MEGF11: variants seen among roughly 807,000 people sequenced by gnomAD.
MEGF11 encodes the protein multiple epidermal growth factor-like domains protein 11.
MEGF11 carries 126 observed loss-of-function variants against 146.6 expected under a neutral mutation model. The observed-to-expected ratio is 0.86, with a 90% CI of 0.74 to 1.00. MEGF11 has a LOEUF of 1.00. Among genes scored for constraint, MEGF11 ranks in the 50% least tolerant of loss-of-function variants. MEGF11 has a pLI of 0.00. For missense variants in MEGF11, 1,509 were observed against 1,521.2 expected, an observed-to-expected ratio of 0.99 and a Z score of 0.13; for synonymous variants, 532 against 583.4, an observed-to-expected ratio of 0.91 and a Z score of 1.27.
At chr15:65,952,560 C>T (rs2080446349) in intron 10 of MEGF11, among the ~76,000 whole-genome samples, 1 of 152,138 alleles carries the variant, frequency 6.6e-6, no homozygotes, top group Non-Finnish European at 1.5e-5. Flanking sequence ...CCCTGTTCAC[C>T]CTGGTGTTCT....
chr15:66,249,848 G>C (rs573318598), intron 1 of MEGF11, among the ~76,000 whole-genome samples: 1 of 152,330 alleles, frequency 6.6e-6, no homozygotes, highest in East Asian at 1.9e-4. Context: ...GTTTTCACAA[G>C]CCCTCCACAC....
At chr15:66,233,763 C>A (rs908324768) in intron 1 of MEGF11, among the ~76,000 whole-genome samples, 1 of 152,078 alleles carries the variant, frequency 6.6e-6, no homozygotes, top group East Asian at 1.9e-4. Flanking sequence ...ATGGTAGTCC[C>A]TTTCATCATG....
rs750694093 is a variant in MEGF11, at chr15:66,119,169, G to A, written c.218C>T (p.Ala73Val). The change falls in exon 4 of 26, where the codon GCG becomes GTG. Residue 73 changes from alanine to valine, a missense_variant. Coordinates refer to ENST00000395614, the MANE Select transcript of MEGF11 (RefSeq NM_001385028.1). ...CATGGTCCGGAGGCCTCTCCGATAC[G>A]CCGTCTTATAACTGATCCTAAGGCA... Reference protein sequence around the residue: ...CTRHRISYKTAYRRGLRTMYR... With the variant: ...CTRHRISYKTVYRRGLRTMYR... 52 of 1,550,982 alleles carry A rather than the reference G, an allele frequency of 3.4e-5. No homozygotes were observed. The highest frequency in any genetic ancestry group is 2.4e-4 in the Admixed American group (12 of 50,966).
chr15:65,917,001 G>A (rs770916168), intron 16 of MEGF11, 45 bp from the exon 17 acceptor site: 3 of 1,445,802 alleles, frequency 2.1e-6, no homozygotes, highest in Non-Finnish European at 2.7e-6. Flanking sequence ...AGGCAGAGAG[G>A]GGCAGACGGA....
At chr15:66,104,661 T>TCAGAG (rs951259723) in intron 4 of MEGF11, among the ~76,000 whole-genome samples, 2 of 152,222 alleles carry the variant, frequency 1.3e-5, no homozygotes, top group African/African-American at 4.8e-5. Context: ...TCATAGAAAT[T>TCAGAG]CAGAGCTGAT....
chr15:66,187,659 G>A (rs1239393036), intron 1 of MEGF11, among the ~76,000 whole-genome samples: 3 of 148,506 alleles, frequency 2.0e-5, no homozygotes, highest in Non-Finnish European at 3.0e-5. Flanking sequence ...CACAACCCTC[G>A]GAGGGGAGGA....
chr15:66,166,541 C>A (rs957296420), intron 1 of MEGF11, among the ~76,000 whole-genome samples: 1 of 152,154 alleles, frequency 6.6e-6, no homozygotes, highest in South Asian at 2.1e-4. Context: ...CCGGGATAAA[C>A]CCAAACTCCT....
In MEGF11 at chr15:65,982,613, AGGG is replaced by A; in HGVS notation, c.395-128_395-126del. ...GCTGCTCCCCGGACAGGTGGCAGCA[AGGG>A]GTGCCTGGAAGCTTTGGTGCCTCAT... On this transcript the variant is annotated intron_variant, in intron 5 of 25. Transcript: ENST00000395614. The surrounding 1 kb of genome is among the most constrained non-coding windows in gnomAD (Gnocchi z 5.6). 1 of 1,193,576 alleles carries A rather than the reference AGGG, an allele frequency of 8.4e-7. No individual in the cohort carries two copies. The highest frequency in any genetic ancestry group is 1.1e-6 in the Non-Finnish European group (1 of 901,078). The allele number at this position is 1,193,576 out of a possible 1,614,324, so 73.9% of individuals were successfully genotyped here.
intron 5 of MEGF11, among the ~76,000 whole-genome samples, chr15:66,040,899 C>T (rs2083942732): frequency 7.1e-6 from 1 of 141,758 alleles, no homozygotes; most frequent in African/African-American, 2.6e-5. Flanking sequence ...TTCGTATCCA[C>T]TCAGAGGAAG....
At chr15:66,058,703 A>G (rs529424413) in intron 5 of MEGF11, among the ~76,000 whole-genome samples, 1 of 152,204 alleles carries the variant, frequency 6.6e-6, no homozygotes, top group East Asian at 1.9e-4. Flanking sequence ...GGGTCACTTC[A>G]TGCTATCCTC....
intron 1 of MEGF11, among the ~76,000 whole-genome samples, chr15:66,137,468 C>G (rs4776744): frequency 0.39 from 58,814 of 151,828 alleles, 13,160 homozygotes; most frequent in South Asian, 0.58. Flanking sequence ...CGTGTGCCAA[C>G]AGTGAGGGAG....
Position 65,922,968 on chromosome 15 carries a change from G to A in MEGF11, c.1677C>T (p.Gly559=), listed in dbSNP as rs1176976930. 7.4e-6 allele frequency: 12 copies of A among 1,612,218 alleles called. No homozygotes were observed. The highest frequency in any genetic ancestry group is 1.0e-5 in the Non-Finnish European group (12 of 1,179,496). The change falls in exon 14 of 26, where the codon GGC becomes GGT. Residue 559 remains glycine, a splice_region_variant and synonymous_variant. Coordinates refer to ENST00000395614, the MANE Select transcript of MEGF11 (RefSeq NM_001385028.1). ...GHCCCLAGWT[G]IRCDSTCPPG... ...GTGGACACGTGCTGTCACAGCGGAT[G>A]CCTGTGGGCCAGAGGCAGACTCGGG...
chr15:66,019,712 C>T (rs1175262759), intron 5 of MEGF11, among the ~76,000 whole-genome samples: 1 of 152,228 alleles, frequency 6.6e-6, no homozygotes, highest in Admixed American at 6.5e-5. Flanking sequence ...CTCGGGTATG[C>T]GACCTCACTC....
At chr15:65,900,348 GGATGTCTTA>G (rs2078464807) in intron 24 of MEGF11, among the ~76,000 whole-genome samples, 1 of 152,244 alleles carries the variant, frequency 6.6e-6, no homozygotes, top group Admixed American at 6.5e-5. Flanking sequence ...GTAACTCAAT[GGATGTCTTA>G]GATGTACCTT....
intron 7 of MEGF11, among the ~76,000 whole-genome samples, chr15:65,978,712 G>A (rs1398643816): frequency 6.6e-6 from 1 of 152,224 alleles, no homozygotes. Context: ...TTGGAGATGA[G>A]AGGGTCTTTC....
At chr15:65,949,685 C>T (rs939111092) in intron 10 of MEGF11, among the ~76,000 whole-genome samples, 4 of 152,190 alleles carry the variant, frequency 2.6e-5, no homozygotes, top group African/African-American at 7.2e-5. Flanking sequence ...CTTCCAGACA[C>T]GCAGGACCCA....
In MEGF11 at chr15:66,122,984, T is replaced by C. The variant is rs556780787; in HGVS notation, c.200+915A>G. On this transcript the variant is annotated intron_variant, in intron 3 of 25. Coordinates refer to ENST00000395614, the MANE Select transcript of MEGF11 (RefSeq NM_001385028.1). ...ATTTTTAGTAGAGACGGGGTTTCACTGTGTTAGCCAGGATGATCTCGTTCT... is the reference window on the plus strand; with the variant it reads ...ATTTTTAGTAGAGACGGGGTTTCACCGTGTTAGCCAGGATGATCTCGTTCT... Among the ~76,000 whole-genome samples, 9 of 152,122 alleles carry C rather than the reference T, an allele frequency of 5.9e-5. No individual in the cohort carries two copies. The East Asian group carries it at 7.7e-4, about 13-fold the overall frequency.
intron 1 of MEGF11, among the ~76,000 whole-genome samples, chr15:66,132,192 A>G (rs1479140281): frequency 6.6e-6 from 1 of 152,176 alleles, no homozygotes; most frequent in Non-Finnish European, 1.5e-5. Context: ...GGACCCTGCC[A>G]TCATTAGCAC....
intron 10 of MEGF11, among the ~76,000 whole-genome samples, chr15:65,948,011 G>A (rs1207748593): frequency 2.0e-5 from 3 of 152,180 alleles, no homozygotes; most frequent in Non-Finnish European, 2.9e-5. Context: ...CCCAGAGGGG[G>A]AAGGCTGGCC....
Sources: allele counts gnomAD v4.1 joint callset (sites outside exome capture counted in the v4.1 genomes callset), GRCh38; gene constraint gnomAD v4.1.1; non-coding constraint Gnocchi (gnomAD v3.1); transcripts MANE v1.5; gene names NCBI Gene and HGNC (gene_info 2026-07-23, HGNC 2026-07-21).